ITPKB: variants seen among roughly 807,000 people sequenced by gnomAD.
The protein encoded by ITPKB is IP3 3-kinase B.
Under a neutral mutation model 69.4 loss-of-function variants are expected in ITPKB, and 13 were observed. That is an observed-to-expected ratio of 0.19 (90% CI 0.12 to 0.30). The LOEUF is 0.30. Ranked by LOEUF, ITPKB falls within the 10% of genes least tolerant of loss-of-function variation. The pLI is 1.00. For synonymous variants in ITPKB, 584 were observed against 513.7 expected (o/e 1.14, Z -1.85); for missense variants, 1,240 against 1,250.5 (o/e 0.99, Z 0.13).
chr1:226,735,502 G>A, intron 2 of ITPKB, 25 bp downstream of exon 2: 3 of 1,483,788 alleles, frequency 2.0e-6, no homozygotes, highest in Non-Finnish European at 2.7e-6. Flanking sequence ...CATGAGTTCT[G>A]GGCAAATCTC....
chr1:226,716,088 G>T (rs1210725908), intron 2 of ITPKB, among the ~76,000 whole-genome samples: 1 of 152,242 alleles, frequency 6.6e-6, no homozygotes, highest in Non-Finnish European at 1.5e-5. Context: ...TGGCACTACA[G>T]GCGTGAGCCA....
Position 226,737,613 on chromosome 1 carries a change from G to T in ITPKB, c.-155C>A. ...GCATGGCCTGGGCAGCGGGCTGGGG[G>T]CACGACCGCGGGCTCAGCCCCCGCC... On this transcript the variant is annotated 5_prime_UTR_variant, in exon 2 of 8. Transcript: ENST00000429204. The T allele has an allele frequency of 8.8e-7, 1 of 1,142,586 alleles. No individual in the cohort carries two copies. Among genetic ancestry groups the T allele is most frequent in the Non-Finnish European group, 1.1e-6 (1 of 932,368 alleles). 70.8% of individuals were successfully genotyped at this position (1,142,586 alleles called of 1,614,324 possible).
chr1:226,673,555 AG>A (rs1669663689), intron 2 of ITPKB, among the ~76,000 whole-genome samples: 1 of 152,208 alleles, frequency 6.6e-6, no homozygotes, highest in African/African-American at 2.4e-5. Flanking sequence ...GCAGCCAAAA[AG>A]TCTCAACTCT....
At chr1:226,662,315 A>G (rs768104372) in intron 2 of ITPKB, among the ~76,000 whole-genome samples, 4 of 152,172 alleles carry the variant, frequency 2.6e-5, no homozygotes, top group Non-Finnish European at 5.9e-5. Context: ...AAAGTTCAAG[A>G]ATCTAAAATG....
intron 2 of ITPKB, among the ~76,000 whole-genome samples, chr1:226,663,693 T>C (rs1012938018): frequency 1.3e-5 from 2 of 152,094 alleles, no homozygotes; most frequent in African/African-American, 4.8e-5. Context: ...ATAATTTTTG[T>C]ATTTTTTGGT....
intron 2 of ITPKB, among the ~76,000 whole-genome samples, chr1:226,687,142 A>G (rs1656236068): frequency 6.6e-6 from 1 of 152,238 alleles, no homozygotes; most frequent in Admixed American, 6.5e-5. Context: ...TTAAAAAAGG[A>G]ATCTTTCTAT....
intron 2 of ITPKB, among the ~76,000 whole-genome samples, chr1:226,721,506 T>C (rs1657242700): frequency 6.6e-6 from 1 of 152,160 alleles, no homozygotes; most frequent in Non-Finnish European, 1.5e-5. Context: ...TATTTTCTTT[T>C]TTTTTTGAGA....
intron 2 of ITPKB, among the ~76,000 whole-genome samples, chr1:226,706,094 C>T (rs532741146): frequency 6.6e-6 from 1 of 152,224 alleles, no homozygotes; most frequent in Admixed American, 6.5e-5. Context: ...AGATGATCCC[C>T]CTCCTGTGAG....
Position 226,735,613 on chromosome 1 carries a change from CT to C in ITPKB, c.1845del (p.Glu616ArgfsTer29). On this transcript the variant is annotated frameshift_variant, in exon 2 of 8. Transcript: ENST00000429204. LOFTEE classifies it high-confidence loss of function. ...TCAGGGTCACTGGAGATGTCCTCCT[CT>C]GAGTCTTCGTAGGATGAGGAGAAGC... is the stretch of plus-strand genomic sequence containing the variant. ...STGFSSSYEDSEEDISSDPER... is the reference protein window; with the variant it reads ...STGFSSSYEDXEEDISSDPER... 6.2e-7 allele frequency: 1 copy of C among 1,608,942 alleles called. No homozygotes were observed. Among genetic ancestry groups the C allele is most frequent in the Non-Finnish European group, 8.5e-7 (1 of 1,177,308 alleles).
chr1:226,682,598 T>A (rs757790279), intron 2 of ITPKB, among the ~76,000 whole-genome samples: 1 of 152,212 alleles, frequency 6.6e-6, no homozygotes, highest in Non-Finnish European at 1.5e-5. Flanking sequence ...GCCTGGCACA[T>A]ACAAGGTCTT....
intron 2 of ITPKB, among the ~76,000 whole-genome samples, chr1:226,711,252 G>A (rs920343653): frequency 3.9e-5 from 6 of 152,106 alleles, no homozygotes; most frequent in Non-Finnish European, 7.4e-5. Context: ...ACATTTCTCA[G>A]CCTAACATCC....
chr1:226,723,116 G>A (rs1657294955), intron 2 of ITPKB, among the ~76,000 whole-genome samples: 1 of 152,206 alleles, frequency 6.6e-6, no homozygotes, highest in Non-Finnish European at 1.5e-5. Context: ...ATGGGTTCCA[G>A]TAGGCCCTCC....
chr1:226,711,015 G>A (rs1282697905), intron 2 of ITPKB, among the ~76,000 whole-genome samples: 1 of 152,238 alleles, frequency 6.6e-6, no homozygotes, highest in Non-Finnish European at 1.5e-5. Flanking sequence ...CATGCGGCCT[G>A]TGCAACTGCA....
intron 2 of ITPKB, among the ~76,000 whole-genome samples, chr1:226,725,071 G>A (rs1295294957): frequency 6.6e-6 from 1 of 152,168 alleles, no homozygotes; most frequent in African/African-American, 2.4e-5. Flanking sequence ...ATGTACTGAA[G>A]CTTTCTGCAT....
intron 2 of ITPKB, among the ~76,000 whole-genome samples, chr1:226,727,170 T>C (rs1482682021): frequency 6.6e-6 from 1 of 152,204 alleles, no homozygotes; most frequent in Non-Finnish European, 1.5e-5. Flanking sequence ...GTAAGAGCAT[T>C]ATATAACATA....
chr1:226,691,809 T>G (rs966184106), intron 2 of ITPKB, among the ~76,000 whole-genome samples: 1 of 152,228 alleles, frequency 6.6e-6, no homozygotes, highest in Non-Finnish European at 1.5e-5. Context: ...GTCATTGTGA[T>G]GGATTCAATT....
chr1:226,732,695 A>C (rs1657628177), intron 2 of ITPKB, among the ~76,000 whole-genome samples: 1 of 152,174 alleles, frequency 6.6e-6, no homozygotes, highest in African/African-American at 2.4e-5. Flanking sequence ...AGAATTATAT[A>C]GGGAAGTAAA....
intron 2 of ITPKB, chr1:226,668,808 G>C (rs1029819723): frequency 1.3e-5 from 2 of 152,200 alleles, no homozygotes; most frequent in Non-Finnish European, 2.9e-5. Flanking sequence ...ATGATGAATA[G>C]GGAAAGATCA....
intron 2 of ITPKB, among the ~76,000 whole-genome samples, chr1:226,682,044 CT>C (rs1265891908): frequency 1.3e-5 from 2 of 152,240 alleles, no homozygotes; most frequent in African/African-American, 4.8e-5. Flanking sequence ...CTGCCACCAT[CT>C]CATCTCCAGT....
Sources: allele counts gnomAD v4.1 joint callset (sites outside exome capture counted in the v4.1 genomes callset), GRCh38; gene constraint gnomAD v4.1.1; transcripts MANE v1.5; gene names NCBI Gene and HGNC (gene_info 2026-07-23, HGNC 2026-07-21).